Variants in SPIDR observed in about 807,000 individuals in gnomAD.
SPIDR encodes scaffold protein involved in DNA repair, also known as DNA repair-scaffolding protein.
Under a neutral mutation model 104.6 loss-of-function variants are expected in SPIDR, and 93 were observed. The observed-to-expected ratio is 0.89, with a 90% confidence interval of 0.75 to 1.06. The LOEUF (loss-of-function observed/expected upper bound fraction) is 1.06, where lower values mean the gene tolerates loss of function less well. Among genes scored for constraint, SPIDR ranks in the 50% least tolerant of loss-of-function variants. The probability of loss-of-function intolerance (pLI) is 0.00; values close to 1 mark genes in which losing one functional copy is unlikely to be tolerated. For synonymous variants in SPIDR, 431 were observed against 416.9 expected, an observed-to-expected ratio of 1.03 and a Z score of -0.41; for missense variants, 1,154 against 1,111.2, an observed-to-expected ratio of 1.04 and a Z score of -0.55.
At chr8:47,676,461 T>C (rs2076461337) in intron 11 of SPIDR, among the ~76,000 whole-genome samples, 1 of 152,200 alleles carries the variant, frequency 6.6e-6, no homozygotes, top group African/African-American at 2.4e-5. Context: ...TGGGATGTTA[T>C]AATTGCTTAT....
intron 5 of SPIDR, among the ~76,000 whole-genome samples, chr8:47,372,687 A>G (rs1393463010): frequency 6.6e-6 from 1 of 152,108 alleles, no homozygotes; most frequent in Non-Finnish European, 1.5e-5. Flanking sequence ...TTTAATCCTC[A>G]TGATGATTTT....
At chr8:47,529,929 A>G (rs2085655420) in intron 8 of SPIDR, among the ~76,000 whole-genome samples, 1 of 152,200 alleles carries the variant, frequency 6.6e-6, no homozygotes, top group South Asian at 2.1e-4. Flanking sequence ...GAACCACATA[A>G]AAAAGTAAAA....
At chr8:47,436,231 G>T (rs1554691935) in intron 7 of SPIDR, among the ~76,000 whole-genome samples, 1 of 152,160 alleles carries the variant, frequency 6.6e-6, no homozygotes. Context: ...AGTATTTGGG[G>T]ATTTTCAAGG....
chr8:47,412,802 CTG>C (rs1241539277), intron 7 of SPIDR, among the ~76,000 whole-genome samples: 1 of 152,212 alleles, frequency 6.6e-6, no homozygotes, highest in African/African-American at 2.4e-5. Flanking sequence ...GGAGTGACCA[CTG>C]TTTCTTATAA....
chr8:47,380,516 C>T (rs1009933581), intron 5 of SPIDR, among the ~76,000 whole-genome samples: 21 of 152,010 alleles, frequency 1.4e-4, no homozygotes, highest in South Asian at 6.2e-4. Flanking sequence ...AACTTTGACC[C>T]GGCAGGTGCC....
At chr8:47,575,062 G>A (rs2058922337) in intron 8 of SPIDR, among the ~76,000 whole-genome samples, 1 of 152,078 alleles carries the variant, frequency 6.6e-6, no homozygotes, top group Admixed American at 6.5e-5. Context: ...TTGCTGATGT[G>A]ATTGGTTCTT....
chr8:47,618,336 A>G (rs2064635257), intron 10 of SPIDR, among the ~76,000 whole-genome samples: 2 of 152,178 alleles, frequency 1.3e-5, no homozygotes, highest in Non-Finnish European at 2.9e-5. Flanking sequence ...AACTGAGTTT[A>G]TTAAAATCTG....
chr8:47,675,207 T>C (rs2076268905), intron 11 of SPIDR, among the ~76,000 whole-genome samples: 1 of 152,132 alleles, frequency 6.6e-6, no homozygotes, highest in South Asian at 2.1e-4. Context: ...CAGCTAATTT[T>C]CTGTATTTAG....
intron 8 of SPIDR, among the ~76,000 whole-genome samples, chr8:47,499,742 C>A (rs184760681): frequency 6.6e-6 from 1 of 151,954 alleles, no homozygotes; most frequent in African/African-American, 2.4e-5. Context: ...CACCCAGTAA[C>A]TCGTCATTTA....
chr8:47,643,699 TA>T (rs2069645462), intron 10 of SPIDR, among the ~76,000 whole-genome samples: 1 of 152,192 alleles, frequency 6.6e-6, no homozygotes. Flanking sequence ...TGCAACTCAA[TA>T]ATTAGTGGAA....
intron 5 of SPIDR, among the ~76,000 whole-genome samples, chr8:47,318,092 G>T (rs931945253): frequency 6.6e-6 from 1 of 152,172 alleles, no homozygotes; most frequent in Non-Finnish European, 1.5e-5. Flanking sequence ...AAGCTGGACG[G>T]AGAGTGACTT....
intron 5 of SPIDR, among the ~76,000 whole-genome samples, chr8:47,372,847 G>T (rs1379645516): frequency 1.3e-5 from 2 of 152,060 alleles, no homozygotes; most frequent in East Asian, 1.9e-4. Context: ...TACCTGATAG[G>T]TATTTATTAT....
intron 8 of SPIDR, among the ~76,000 whole-genome samples, chr8:47,557,384 G>A (rs1450870880): frequency 2.0e-5 from 3 of 152,184 alleles, no homozygotes; most frequent in Non-Finnish European, 4.4e-5. Flanking sequence ...GCCAGTTGCT[G>A]CACCTCTGTT....
intron 8 of SPIDR, among the ~76,000 whole-genome samples, chr8:47,478,091 C>T (rs2076481929): frequency 6.6e-6 from 1 of 152,122 alleles, no homozygotes; most frequent in Non-Finnish European, 1.5e-5. Flanking sequence ...GCTGACACTT[C>T]GTGTGAGGAA....
chr8:47,334,590 G>T (rs2049348434), intron 5 of SPIDR, among the ~76,000 whole-genome samples: 1 of 151,938 alleles, frequency 6.6e-6, no homozygotes, highest in Admixed American at 6.6e-5. Flanking sequence ...GCTTTTCTTT[G>T]GTTAATGTTA....
chr8:47,620,793 A>AT (rs1476771195), intron 10 of SPIDR, among the ~76,000 whole-genome samples: 1 of 129,168 alleles, frequency 7.7e-6, no homozygotes, highest in Admixed American at 7.9e-5. Context: ...AATTTTTTGT[A>AT]TTTTAGTAGA....
At chr8:47,641,938 A>T (rs1306045202) in intron 10 of SPIDR, among the ~76,000 whole-genome samples, 2 of 152,220 alleles carry the variant, frequency 1.3e-5, no homozygotes. Context: ...ACCTACTTAC[A>T]TCCTAATGGG....
Position 47,619,618 on chromosome 8 carries a change from CTT to C in SPIDR, c.1544+20435_1544+20436del, listed in dbSNP as rs34943473. The stretch of plus-strand genomic sequence containing the variant: ...TGAATATGCATATATGTATATTACC[CTT>C]TTTTTTTTTTTTAAGGGATGGGGTC... On this transcript the variant is annotated intron_variant, in intron 10 of 19. Coordinates refer to ENST00000297423, the MANE Select transcript of SPIDR (RefSeq NM_001080394.4). 3.0e-3 allele frequency among the ~76,000 whole-genome samples: 439 copies of C among 144,660 alleles called. 2 individuals carry two copies. Among genetic ancestry groups the C allele is most frequent in the Non-Finnish European group, 4.4e-3 (291 of 66,300 alleles). 94.9% of individuals were successfully genotyped at this position (144,660 alleles called of 152,430 possible).
intron 3 of SPIDR, among the ~76,000 whole-genome samples, chr8:47,286,999 G>A (rs1004615374): frequency 4.0e-5 from 6 of 151,768 alleles, no homozygotes; most frequent in African/African-American, 9.7e-5. Flanking sequence ...CCTAAGTGTC[G>A]GCCAGCTGAG....
Sources: allele counts gnomAD v4.1 joint callset (sites outside exome capture counted in the v4.1 genomes callset), GRCh38; gene constraint gnomAD v4.1.1; transcripts MANE v1.5; gene names NCBI Gene and HGNC (gene_info 2026-07-23, HGNC 2026-07-21).